SCFD2: variants seen among roughly 807,000 people sequenced by gnomAD.
The protein encoded by SCFD2 is sec1 family domain-containing protein 2.
In SCFD2, 54 loss-of-function variants were observed where a neutral mutation model predicts 58.9. The ratio of observed to expected loss-of-function variants is 0.92; its 90% CI spans 0.74 to 1.15. SCFD2 has a LOEUF of 1.15. Ranked by LOEUF, SCFD2 falls within the 50% of genes most tolerant of loss-of-function variation. The probability of loss-of-function intolerance (pLI) is 0.00; values close to 1 mark genes in which losing one functional copy is unlikely to be tolerated. For missense variants in SCFD2, 805 were observed against 836.6 expected (o/e 0.96, Z 0.47); for synonymous variants, 321 against 335.9 (o/e 0.96, Z 0.49).
rs10529140 is a variant in SCFD2, at chr4:52,959,897, A to AACACACACACAC, written c.1562-39039_1562-39028dup. 4.7e-3 allele frequency among the ~76,000 whole-genome samples: 654 copies of AACACACACACAC among 138,198 alleles called. 4 individuals are homozygous for AACACACACACAC. The highest frequency in any genetic ancestry group is 0.014 in the African/African-American group (532 of 36,974). The allele number at this position is 138,198 out of a possible 152,430, so 90.7% of individuals were successfully genotyped here. On this transcript the variant is annotated intron_variant, in intron 5 of 8. Coordinates refer to ENST00000401642, the MANE Select transcript of SCFD2 (RefSeq NM_152540.4). ...GAGGAAGAGAGAGACTCCAAATTGA[A>AACACACACACAC]ACACACACACACACACACACACACA...
At chr4:52,938,725 A>AT (rs1720208402) in intron 5 of SCFD2, among the ~76,000 whole-genome samples, 1 of 152,064 alleles carries the variant, frequency 6.6e-6, no homozygotes. Flanking sequence ...AATTTTATTG[A>AT]TTTTACTCTT....
At chr4:52,901,973 C>T (rs1035783884) in intron 7 of SCFD2, among the ~76,000 whole-genome samples, 17 of 152,218 alleles carry the variant, frequency 1.1e-4, no homozygotes, top group Non-Finnish European at 2.1e-4. Context: ...AGATTGAGTT[C>T]TGTGAGCCAT....
At position 53,313,553 on chromosome 4, in the gene SCFD2, A is replaced by G. The variant is rs544385612; in HGVS notation, c.1135+83T>C. On this transcript the variant is annotated intron_variant, in intron 3 of 8. Transcript: ENST00000401642. ...TCGTTACTACTTTGGCCTAGATTCCATGTTGGCTAGCTTGGCCCACAATTC... is the reference window on the plus strand; with the variant it reads ...TCGTTACTACTTTGGCCTAGATTCCGTGTTGGCTAGCTTGGCCCACAATTC... 4.5e-6 allele frequency: 7 copies of G among 1,548,508 alleles called. No homozygotes were observed. In the African/African-American group the frequency reaches 8.2e-5, roughly 18 times the overall value.
chr4:53,076,322 A>G (rs1723972841), intron 5 of SCFD2, among the ~76,000 whole-genome samples: 1 of 152,202 alleles, frequency 6.6e-6, no homozygotes, highest in Non-Finnish European at 1.5e-5. Context: ...TGTTCTCTAC[A>G]GCATCAAGGT....
At chr4:53,310,733 C>T (rs1481741197) in intron 3 of SCFD2, among the ~76,000 whole-genome samples, 1 of 152,046 alleles carries the variant, frequency 6.6e-6, no homozygotes, top group Non-Finnish European at 1.5e-5. Flanking sequence ...AACATTTTTC[C>T]TTTAAGTAGA....
At chr4:52,904,150 T>C (rs1719289840) in intron 7 of SCFD2, among the ~76,000 whole-genome samples, 1 of 152,176 alleles carries the variant, frequency 6.6e-6, no homozygotes, top group Non-Finnish European at 1.5e-5. Flanking sequence ...TGCTTCCGGG[T>C]GTCCCTGAGC....
chr4:53,289,360 C>T (rs1476818770), intron 3 of SCFD2, among the ~76,000 whole-genome samples: 2 of 152,116 alleles, frequency 1.3e-5, no homozygotes, highest in African/African-American at 4.8e-5. Flanking sequence ...GAGTGAAACT[C>T]AGTCTCAAAA....
At chr4:52,932,891 C>T (rs907544111) in intron 5 of SCFD2, among the ~76,000 whole-genome samples, 1 of 152,134 alleles carries the variant, frequency 6.6e-6, no homozygotes, top group African/African-American at 2.4e-5. Context: ...TATCACTTTT[C>T]TCTATTTTCT....
chr4:53,339,014 A>T (rs974765812), intron 2 of SCFD2, among the ~76,000 whole-genome samples: 1 of 152,224 alleles, frequency 6.6e-6, no homozygotes, highest in African/African-American at 2.4e-5. Flanking sequence ...ACTCTAAAAG[A>T]ATAGCTAAAG....
chr4:53,221,941 G>A (rs1729058962), intron 4 of SCFD2, among the ~76,000 whole-genome samples: 1 of 152,154 alleles, frequency 6.6e-6, no homozygotes, highest in South Asian at 2.1e-4. Context: ...CAACACATAG[G>A]ACTGATTCTG....
At chr4:53,263,759 T>G (rs899682347) in intron 4 of SCFD2, among the ~76,000 whole-genome samples, 2 of 152,142 alleles carry the variant, frequency 1.3e-5, no homozygotes, top group African/African-American at 4.8e-5. Flanking sequence ...CTTTCAAGAG[T>G]GCATCAGCTG....
At chr4:52,874,922 T>C (rs369018559) in intron 8 of SCFD2, among the ~76,000 whole-genome samples, 24 of 152,354 alleles carry the variant, frequency 1.6e-4, no homozygotes, top group African/African-American at 4.6e-4. Flanking sequence ...ATGATGGGAA[T>C]GATAGTGATA....
At chr4:53,055,609 G>A (rs545935824) in intron 5 of SCFD2, among the ~76,000 whole-genome samples, 5 of 152,210 alleles carry the variant, frequency 3.3e-5, no homozygotes, top group African/African-American at 1.2e-4. Flanking sequence ...TGACAGATCT[G>A]AGGGAACAGC....
At chr4:53,299,910 T>C (rs1325965454) in intron 3 of SCFD2, among the ~76,000 whole-genome samples, 3 of 152,158 alleles carry the variant, frequency 2.0e-5, no homozygotes, top group Non-Finnish European at 4.4e-5. Flanking sequence ...GAGATTTTTG[T>C]CACCACCAAG....
At chr4:53,177,446 TTTG>T in intron 4 of SCFD2, among the ~76,000 whole-genome samples, 1 of 151,860 alleles carries the variant, frequency 6.6e-6, no homozygotes, top group Non-Finnish European at 1.5e-5. Flanking sequence ...TATTTGTTTG[TTTG>T]TTTGTTTGTT....
At chr4:52,915,382 A>T (rs183858257) in intron 6 of SCFD2, among the ~76,000 whole-genome samples, 8 of 152,270 alleles carry the variant, frequency 5.3e-5, no homozygotes, top group Admixed American at 1.3e-4. Context: ...CAGAAAAACC[A>T]GGCTTACTGG....
At chr4:53,360,172 T>C (rs186674002) in intron 1 of SCFD2, among the ~76,000 whole-genome samples, 141 of 152,352 alleles carry the variant, frequency 9.3e-4, no homozygotes, top group African/African-American at 3.2e-3. Context: ...ATCAATCCTG[T>C]ATATCACTAA....
intron 4 of SCFD2, among the ~76,000 whole-genome samples, chr4:53,250,080 G>C (rs1208880391): frequency 6.6e-6 from 1 of 152,054 alleles, no homozygotes. Flanking sequence ...GACACACATA[G>C]GCTCAAAATA....
At chr4:53,121,933 G>GT (rs139556905) in intron 5 of SCFD2, among the ~76,000 whole-genome samples, 1,577 of 151,798 alleles carry the variant, frequency 0.01, 24 homozygotes, top group African/African-American at 0.036. Context: ...TATTTTTCTT[G>GT]TTTTTTTTCC....
Sources: allele counts gnomAD v4.1 joint callset (sites outside exome capture counted in the v4.1 genomes callset), GRCh38; gene constraint gnomAD v4.1.1; transcripts MANE v1.5; gene names NCBI Gene and HGNC (gene_info 2026-07-23, HGNC 2026-07-21).